Variants in RASGRP3 observed in about 807,000 individuals in gnomAD.
The protein encoded by RASGRP3 is RAS guanyl releasing protein 3.
RASGRP3 carries 54 observed loss-of-function variants against 82.7 expected under a neutral mutation model. The observed-to-expected ratio is 0.65, with a 90% CI of 0.52 to 0.82. RASGRP3 has a LOEUF of 0.82. Among genes scored for constraint, RASGRP3 ranks in the 40% least tolerant of loss-of-function variants. The probability of loss-of-function intolerance (pLI) is 0.00; values close to 1 mark genes in which losing one functional copy is unlikely to be tolerated. For synonymous variants in RASGRP3, 309 were observed against 300.5 expected (o/e 1.03, Z -0.29); for missense variants, 861 against 828.9 (o/e 1.04, Z -0.48).
chr2:33,524,074 G>C, intron 8 of RASGRP3, 22 bp downstream of exon 8: 1 of 1,608,580 alleles, frequency 6.2e-7, no homozygotes, highest in Non-Finnish European at 8.5e-7. Flanking sequence ...AATCAGACTG[G>C]GTTCTTGAGT....
intron 11 of RASGRP3, 100 bp downstream of exon 11, chr2:33,534,500 G>C (rs1421953923): frequency 8.7e-6 from 7 of 806,348 alleles, no homozygotes; most frequent in Non-Finnish European, 1.2e-5. Context: ...TAAAACGGAA[G>C]AATTTTAAAA....
intron 17 of RASGRP3, among the ~76,000 whole-genome samples, chr2:33,559,964 A>G (rs1174228609): frequency 6.6e-6 from 1 of 152,212 alleles, no homozygotes; most frequent in Admixed American, 6.5e-5. Context: ...GTGCATAAGG[A>G]GGCCACCCAT....
chr2:33,462,347 G>A (rs1231220315), intron 2 of RASGRP3, among the ~76,000 whole-genome samples: 1 of 151,142 alleles, frequency 6.6e-6, no homozygotes, highest in Admixed American at 6.6e-5. Context: ...TTGCATTTGA[G>A]AACAAGAGGA....
At chr2:33,555,438 C>A in intron 14 of RASGRP3, 93 bp from the exon 15 acceptor site, 4 of 1,142,076 alleles carry the variant, frequency 3.5e-6, no homozygotes, top group South Asian at 2.8e-5. Flanking sequence ...CCTGGCCAGT[C>A]CTGAAGCTTC....
chr2:33,465,527 A>G (rs1666646984), intron 2 of RASGRP3, among the ~76,000 whole-genome samples: 1 of 152,250 alleles, frequency 6.6e-6, no homozygotes, highest in East Asian at 1.9e-4. Flanking sequence ...TGTGTCAAAA[A>G]TAAATAAATG....
rs200007507 is a variant in RASGRP3 at position 33,519,952 on chromosome 2, G to A, written c.174G>A (p.Met58Ile). Residue 58 changes from methionine to isoleucine, a missense_variant and splice_region_variant, in exon 5 of 18, where the codon ATG (methionine) becomes ATA (isoleucine). Coordinates refer to ENST00000403687, the MANE Select transcript of RASGRP3 (RefSeq NM_001139488.2). ...GATTTTTTTTCTTTAACTGGTTTAC[G>A]TATCGAAATGCCACTGGAGAAAGCT... ...STELAEKLLC[M>I]YRNATGESCN... is the part of the protein sequence containing the mutation. 71 of 1,608,072 alleles carry A rather than the reference G, an allele frequency of 4.4e-5. No homozygotes were observed. The highest frequency in any genetic ancestry group is 1.8e-4 in the East Asian group (8 of 44,722).
At chr2:33,460,955 T>C (rs1189555389) in intron 2 of RASGRP3, among the ~76,000 whole-genome samples, 2 of 152,260 alleles carry the variant, frequency 1.3e-5, no homozygotes, top group Non-Finnish European at 1.5e-5. Flanking sequence ...GGAATTCAAA[T>C]ACCTATCAAA....
Position 33,515,020 on chromosome 2 carries a change from A to G in RASGRP3, c.-117A>G, listed in dbSNP as rs1383056048. ...TTTCTTTTTTTTTAGAGTTTTCTTG[A>G]AGTACAACTAAGGACAGGTCACCAC... On this transcript the variant is annotated 5_prime_UTR_variant, in exon 3 of 18. The change abolishes the stop of an existing upstream ORF in the 5' untranslated region. Coordinates refer to ENST00000403687, the MANE Select transcript of RASGRP3 (RefSeq NM_001139488.2). 2.2e-6 allele frequency: 2 copies of G among 892,276 alleles called. No individual in the cohort carries two copies. Among genetic ancestry groups the G allele is most frequent in the East Asian group, 4.9e-5 (2 of 41,098 alleles). 55.3% of individuals were successfully genotyped at this position (892,276 alleles called of 1,614,324 possible).
chr2:33,472,900 C>A (rs111989201), upstream of RASGRP3, among the ~76,000 whole-genome samples: 1 of 137,936 alleles, frequency 7.2e-6, no homozygotes, highest in East Asian at 2.1e-4. Context: ...CAAAAAGTGT[C>A]GGTTGCCTTT....
intron 2 of RASGRP3, among the ~76,000 whole-genome samples, chr2:33,462,895 A>G (rs536972377): frequency 6.6e-6 from 1 of 152,358 alleles, no homozygotes; most frequent in East Asian, 1.9e-4. Flanking sequence ...AATTCTCCTT[A>G]TAGTATTCTC....
intron 17 of RASGRP3, 110 bp from the exon 18 acceptor site, chr2:33,562,619 T>C (rs1676803185): frequency 8.2e-7 from 1 of 1,225,948 alleles, no homozygotes; most frequent in Non-Finnish European, 1.2e-6. Flanking sequence ...TACAAGGTAC[T>C]GATCATTTCA....
rs141436975 is a variant in RASGRP3 at position 33,463,058 on chromosome 2, A to G, written c.-261+15115A>G. 1.5e-3 allele frequency among the ~76,000 whole-genome samples: 227 copies of G among 152,342 alleles called. 1 individual carries two copies. The highest frequency in any genetic ancestry group is 5.2e-3 in the African/African-American group (216 of 41,574). On this transcript the variant is annotated intron_variant, in intron 2 of 18. Coordinates refer to the RASGRP3 transcript ENST00000402538. ...GAAGATCTAGATTCAGATTAACTTT[A>G]CCACTCATCTGCGTTTATAGGAGTG...
chr2:33,562,669 A>G lies in RASGRP3; in HGVS notation c.2065-60A>G. On this transcript the variant is annotated intron_variant, in intron 17 of 17. Coordinates refer to ENST00000403687, the MANE Select transcript of RASGRP3 (RefSeq NM_001139488.2). The stretch of plus-strand genomic sequence containing the variant: ...GTCATCTGAAAAACTGCTTTCTAGG[A>G]ACACTCTTATTTTGTTATATGAGAT... 3.2e-6 allele frequency: 5 copies of G among 1,581,980 alleles called. No homozygotes were observed. The Admixed American group carries it at 6.7e-5, about 21-fold the overall frequency.
chr2:33,549,968 T>C (rs892374359), intron 14 of RASGRP3, among the ~76,000 whole-genome samples: 3 of 152,204 alleles, frequency 2.0e-5, no homozygotes, highest in African/African-American at 4.8e-5. Flanking sequence ...TGGTGAGGGC[T>C]GTTAACTCAA....
intron 12 of RASGRP3, among the ~76,000 whole-genome samples, chr2:33,540,660 A>G (rs1267039241): frequency 7.7e-6 from 1 of 130,176 alleles, no homozygotes; most frequent in Non-Finnish European, 1.7e-5. Context: ...TGTCTTCCTT[A>G]CCTTTTCTCT....
intron 10 of RASGRP3, chr2:33,531,973 G>A (rs970983182): frequency 2.0e-5 from 3 of 152,110 alleles, no homozygotes; most frequent in Admixed American, 2.0e-4. Context: ...GAATTCAGAA[G>A]GAAGGAGTCA....
chr2:33,481,046 G>A (rs997401457), intron 1 of RASGRP3: 1 of 152,264 alleles, frequency 6.6e-6, no homozygotes. Context: ...GAGGACGAGA[G>A]AAAATGAGTG....
intron 11 of RASGRP3, among the ~76,000 whole-genome samples, chr2:33,537,330 C>CCGACA (rs66749495): frequency 2.1e-5 from 2 of 95,690 alleles, no homozygotes; most frequent in African/African-American, 9.1e-5. Flanking sequence ...ACCGCCCCCC[C>CCGACA]CACACACACA....
chr2:33,529,498 A>AAAAAAAAAAAAAAAAAAAAAG (rs1672903519), intron 10 of RASGRP3, among the ~76,000 whole-genome samples: 1 of 150,914 alleles, frequency 6.6e-6, no homozygotes, highest in African/African-American at 2.4e-5. Context: ...AAAAAAAAAA[A>AAAAAAAAAAAAAAAAAAAAAG]AATTCAGGAG....
Sources: allele counts gnomAD v4.1 joint callset (sites outside exome capture counted in the v4.1 genomes callset), GRCh38; gene constraint gnomAD v4.1.1; transcripts MANE v1.5; gene names NCBI Gene and HGNC (gene_info 2026-07-23, HGNC 2026-07-21).